CTDSPL: variants seen among roughly 807,000 people sequenced by gnomAD.
CTDSPL encodes CTD small phosphatase like, also known as CTD small phosphatase-like protein.
CTDSPL carries 8 observed loss-of-function variants against 30.5 expected under a neutral mutation model. The observed-to-expected ratio is 0.26, with a 90% CI of 0.15 to 0.47. The LOEUF is 0.47. Among genes scored for constraint, CTDSPL ranks in the 20% least tolerant of loss-of-function variants. The pLI, the probability that CTDSPL is intolerant of heterozygous loss-of-function variation, is 0.99. For synonymous variants in CTDSPL, 110 were observed against 137.9 expected (o/e 0.80, Z 1.42); for missense variants, 248 against 366.1 (o/e 0.68, Z 2.63).
chr3:37,962,452 C>G (rs1480044919), intron 3 of CTDSPL, among the ~76,000 whole-genome samples: 2 of 152,232 alleles, frequency 1.3e-5, no homozygotes, highest in African/African-American at 4.8e-5. Context: ...TCCATCTTTT[C>G]TCTCTTAGAT....
chr3:37,915,161 A>G (rs547096851), intron 1 of CTDSPL, among the ~76,000 whole-genome samples: 22 of 152,160 alleles, frequency 1.4e-4, no homozygotes, highest in African/African-American at 4.3e-4. Flanking sequence ...GGCTTTTAGT[A>G]TATTCATTAA....
At chr3:37,959,231 A>C (rs1699209393) in intron 3 of CTDSPL, among the ~76,000 whole-genome samples, 2 of 152,072 alleles carry the variant, frequency 1.3e-5, no homozygotes, top group Admixed American at 6.5e-5. Context: ...CTCTTTTTTC[A>C]TTCGCATGTT....
At position 37,971,517 on chromosome 3, in the gene CTDSPL, G is replaced by T. The variant is rs1471285753; in HGVS notation, c.519+18G>T. ...TGGCCAAGGTGAGTCCTGCTTCCCAGCCCCACACTCCCAGCCTGGTACTCC... is the reference window on the plus strand; with the variant it reads ...TGGCCAAGGTGAGTCCTGCTTCCCATCCCCACACTCCCAGCCTGGTACTCC... On this transcript the variant is annotated intron_variant, in intron 6 of 7. Transcript: ENST00000273179. 2.5e-6 allele frequency: 4 copies of T among 1,609,244 alleles called. No homozygotes were observed. Among genetic ancestry groups the T allele is most frequent in the Non-Finnish European group, 2.6e-6 (3 of 1,176,200 alleles).
Position 37,950,591 on chromosome 3 carries a change from T to A in CTDSPL, c.234+3380T>A, listed in dbSNP as rs570297272. Reference sequence around the variant, plus strand: ...AGACCAGAAACACAGAGATGGTAATTGTGAGAGAGAACAGCAGGCATCTAG... The same window carrying A: ...AGACCAGAAACACAGAGATGGTAATAGTGAGAGAGAACAGCAGGCATCTAG... On this transcript the variant is annotated intron_variant, in intron 2 of 7. Coordinates refer to ENST00000273179, the MANE Select transcript of CTDSPL (RefSeq NM_001008392.2). 9.2e-5 allele frequency among the ~76,000 whole-genome samples: 14 copies of A among 152,230 alleles called. No homozygotes were observed. In the South Asian group the frequency reaches 2.7e-3, roughly 29 times the overall value.
chr3:37,943,834 T>A (rs1699006569), intron 1 of CTDSPL, among the ~76,000 whole-genome samples: 1 of 150,272 alleles, frequency 6.7e-6, no homozygotes, highest in Non-Finnish European at 1.5e-5. Flanking sequence ...GGATGCCAGA[T>A]GAGAAAGCCA....
chr3:37,917,709 T>C (rs1004897681), intron 1 of CTDSPL, among the ~76,000 whole-genome samples: 18 of 152,348 alleles, frequency 1.2e-4, no homozygotes, highest in African/African-American at 4.3e-4. Flanking sequence ...GCTGCTGCCC[T>C]CAGCCACAAA....
rs146639258 is a variant in CTDSPL at position 37,973,911 on chromosome 3, G to T, written c.520-1798G>T. Among the ~76,000 whole-genome samples the T allele has an allele frequency of 1.1e-3, 171 of 152,372 alleles. 2 individuals carry two copies. The highest frequency in any genetic ancestry group is 3.4e-3 in the Middle Eastern group (1 of 294). ...GATAGGTGCTACCACAAGTGTTCAT[G>T]ATTATGAGGAAATAGATCATCTTTT... On this transcript the variant is annotated intron_variant, in intron 6 of 7. Transcript: ENST00000273179.
chr3:37,877,832 G>A (rs1175170516), intron 1 of CTDSPL, among the ~76,000 whole-genome samples: 4 of 152,240 alleles, frequency 2.6e-5, no homozygotes, highest in South Asian at 2.1e-4. Flanking sequence ...GAGAGAGAGC[G>A]AGGAGGTCTC....
chr3:37,954,130 A>G (rs1699140914), intron 2 of CTDSPL, among the ~76,000 whole-genome samples: 2 of 152,212 alleles, frequency 1.3e-5, no homozygotes, highest in South Asian at 2.1e-4. Flanking sequence ...ATGAAATGAT[A>G]TGAGGAAATG....
intron 1 of CTDSPL, among the ~76,000 whole-genome samples, chr3:37,934,401 T>C (rs1698891397): frequency 6.6e-6 from 1 of 152,180 alleles, no homozygotes; most frequent in South Asian, 2.1e-4. Flanking sequence ...GTTTACATTT[T>C]ATTAAGTAGA....
At chr3:37,916,481 G>C (rs1306573718) in intron 1 of CTDSPL, among the ~76,000 whole-genome samples, 1 of 152,164 alleles carries the variant, frequency 6.6e-6, no homozygotes, top group Non-Finnish European at 1.5e-5. Flanking sequence ...CTGGAGGAGG[G>C]TGGACCCTTA....
At chr3:37,955,390 G>T (rs1223446365) in intron 2 of CTDSPL, among the ~76,000 whole-genome samples, 1 of 152,120 alleles carries the variant, frequency 6.6e-6, no homozygotes, top group Non-Finnish European at 1.5e-5. Flanking sequence ...TCACACCACT[G>T]CATTCCAACC....
chr3:37,925,540 C>CT (rs1458473614), intron 1 of CTDSPL, among the ~76,000 whole-genome samples: 1 of 152,164 alleles, frequency 6.6e-6, no homozygotes, highest in African/African-American at 2.4e-5. Context: ...ACAAGCAGGG[C>CT]TGTCTTCCTG....
chr3:37,942,143 A>G (rs1032541909), intron 1 of CTDSPL, among the ~76,000 whole-genome samples: 1 of 150,230 alleles, frequency 6.7e-6, no homozygotes, highest in African/African-American at 2.4e-5. Context: ...ATTGATTAAA[A>G]TCACTTCCTG....
At chr3:37,918,870 G>A (rs1698679336) in intron 1 of CTDSPL, among the ~76,000 whole-genome samples, 2 of 152,142 alleles carry the variant, frequency 1.3e-5, no homozygotes, top group Non-Finnish European at 1.5e-5. Context: ...CCCACTCTAG[G>A]AGGGGAAACA....
intron 2 of CTDSPL, among the ~76,000 whole-genome samples, chr3:37,950,868 A>G (rs1389698811): frequency 6.6e-6 from 1 of 152,246 alleles, no homozygotes; most frequent in East Asian, 1.9e-4. Flanking sequence ...CAGACTTCTC[A>G]TCAGCAACAC....
chr3:37,961,256 A>G (rs1400262752), intron 3 of CTDSPL, among the ~76,000 whole-genome samples: 1 of 152,200 alleles, frequency 6.6e-6, no homozygotes, highest in African/African-American at 2.4e-5. Context: ...CCCAACTATG[A>G]GCCAGGATTT....
At chr3:37,959,033 G>C (rs1699206853) in intron 3 of CTDSPL, among the ~76,000 whole-genome samples, 1 of 152,188 alleles carries the variant, frequency 6.6e-6, no homozygotes, top group South Asian at 2.1e-4. Context: ...CCTGGTGAGT[G>C]CTGGGAGCCC....
chr3:37,923,491 G>A (rs1559634732), intron 1 of CTDSPL, among the ~76,000 whole-genome samples: 1 of 152,164 alleles, frequency 6.6e-6, no homozygotes, highest in Non-Finnish European at 1.5e-5. Flanking sequence ...AGCGTGTGGT[G>A]TCTATTTTGA....
Sources: gnomAD v4.1 joint callset for allele counts (sites outside exome capture counted in the v4.1 genomes callset) on GRCh38, gnomAD v4.1.1 for gene constraint, MANE v1.5 for transcripts, NCBI Gene and HGNC (gene_info 2026-07-23, HGNC 2026-07-21) for gene names.